Variants in DGKB observed in about 807,000 individuals in gnomAD.
DGKB encodes the protein 90 kDa diacylglycerol kinase.
DGKB carries 67 observed loss-of-function variants against 114.3 expected under a neutral mutation model. That is an observed-to-expected ratio of 0.59 (90% CI 0.48 to 0.72). The LOEUF is 0.72. Ranked by LOEUF, DGKB falls within the 30% of genes least tolerant of loss-of-function variation. The pLI is 0.00. For synonymous variants in DGKB, 398 were observed against 323.1 expected, an observed-to-expected ratio of 1.23 and a Z score of -2.49; for missense variants, 907 against 975.2, an observed-to-expected ratio of 0.93 and a Z score of 0.93.
intron 2 of DGKB, among the ~76,000 whole-genome samples, chr7:14,765,147 AT>A (rs1451149579): frequency 6.6e-6 from 1 of 152,012 alleles, no homozygotes; most frequent in Non-Finnish European, 1.5e-5. Context: ...AATCCTAAAA[AT>A]AATATTCTAA....
chr7:14,939,731 A>G lies in DGKB; in HGVS notation c.-188+34965T>C, dbSNP rs551019262. Among the ~76,000 whole-genome samples the G allele has an allele frequency of 2.9e-5, 4 of 138,120 alleles. No individual in the cohort carries two copies. The East Asian group carries it at 8.7e-4, about 30-fold the overall frequency. 90.6% of individuals were successfully genotyped at this position (138,120 alleles called of 152,430 possible). ...CGGCTTCATGCCATTCTCCTGCCTC[A>G]GACTCCTGAGTAACTGGGATTACAG... is the stretch of plus-strand genomic sequence containing the variant. On this transcript the variant is annotated intron_variant, in intron 1 of 4. Coordinates refer to the DGKB transcript ENST00000437998.
intron 25 of DGKB, among the ~76,000 whole-genome samples, chr7:14,158,490 G>T (rs2128221548): frequency 6.6e-6 from 1 of 152,314 alleles, no homozygotes; most frequent in South Asian, 2.1e-4. Context: ...TGTCTTATTA[G>T]AAGAAGAAAC....
At chr7:14,665,097 A>G (rs1817796783) in intron 13 of DGKB, among the ~76,000 whole-genome samples, 1 of 152,046 alleles carries the variant, frequency 6.6e-6, no homozygotes, top group Non-Finnish European at 1.5e-5. Context: ...TCAGCATATT[A>G]ACACTATGTC....
intron 20 of DGKB, among the ~76,000 whole-genome samples, chr7:14,540,809 A>C (rs931626240): frequency 6.6e-6 from 1 of 152,198 alleles, no homozygotes; most frequent in African/African-American, 2.4e-5. Flanking sequence ...AATGATATGA[A>C]TATATTGGCT....
chr7:14,469,132 C>G (rs537274129), intron 21 of DGKB, among the ~76,000 whole-genome samples: 1 of 151,992 alleles, frequency 6.6e-6, no homozygotes, highest in Non-Finnish European at 1.5e-5. Context: ...AATATCTTCC[C>G]TCTGTAAAGT....
intron 1 of DGKB, among the ~76,000 whole-genome samples, chr7:14,853,390 C>A (rs11971538): frequency 0.014 from 2,176 of 151,792 alleles, 59 homozygotes; most frequent in African/African-American, 0.049. Context: ...TTTACAATAT[C>A]ATTTTCTCAC....
intron 15 of DGKB, among the ~76,000 whole-genome samples, chr7:14,614,529 G>T (rs1434413444): frequency 6.6e-6 from 1 of 151,942 alleles, no homozygotes; most frequent in African/African-American, 2.4e-5. Flanking sequence ...CTAGAAAGTA[G>T]TCTTAAATGT....
chr7:14,762,429 AT>A (rs564814067), intron 2 of DGKB, among the ~76,000 whole-genome samples: 168 of 152,278 alleles, frequency 1.1e-3, no homozygotes, highest in Non-Finnish European at 1.5e-3. Context: ...TCAACGTTAA[AT>A]TTTTATTTAC....
intron 16 of DGKB, among the ~76,000 whole-genome samples, chr7:14,609,793 T>C (rs1019954507): frequency 2.0e-5 from 3 of 151,840 alleles, no homozygotes; most frequent in Non-Finnish European, 4.4e-5. Flanking sequence ...CTAATAATCA[T>C]GGAAATGCAA....
chr7:14,727,837 C>A (rs991167411), intron 5 of DGKB, among the ~76,000 whole-genome samples: 12 of 152,106 alleles, frequency 7.9e-5, no homozygotes, highest in African/African-American at 2.9e-4. Context: ...TATTTAATAT[C>A]CTCAAGACAG....
At chr7:14,640,334 A>T (rs1345279492) in intron 13 of DGKB, among the ~76,000 whole-genome samples, 2 of 152,194 alleles carry the variant, frequency 1.3e-5, no homozygotes, top group African/African-American at 4.8e-5. Context: ...GAATATACGC[A>T]TTGGGTGGCT....
chr7:14,414,046 A>G (rs1164035357), intron 21 of DGKB, among the ~76,000 whole-genome samples: 2 of 152,164 alleles, frequency 1.3e-5, no homozygotes, highest in African/African-American at 4.8e-5. Context: ...TAAGTTTACA[A>G]GTTGTGATAT....
intron 23 of DGKB, among the ~76,000 whole-genome samples, chr7:14,275,533 A>G (rs991793135): frequency 4.6e-5 from 7 of 152,338 alleles, no homozygotes; most frequent in Admixed American, 3.9e-4. Flanking sequence ...CTTAATTGCA[A>G]CATGTGGGAA....
intron 21 of DGKB, among the ~76,000 whole-genome samples, chr7:14,471,668 A>G (rs1028300369): frequency 1.3e-5 from 2 of 151,904 alleles, no homozygotes; most frequent in Non-Finnish European, 2.9e-5. Flanking sequence ...AAAGGTATTA[A>G]TACCTCAAAT....
At chr7:14,152,229 T>C (rs1458724746) in intron 25 of DGKB, among the ~76,000 whole-genome samples, 3 of 152,108 alleles carry the variant, frequency 2.0e-5, no homozygotes, top group Non-Finnish European at 4.4e-5. Flanking sequence ...CAAATGGCCT[T>C]TGAGTGCCTC....
At chr7:14,175,999 T>A (rs1781679535) in intron 25 of DGKB, 1 of 152,026 alleles carries the variant, frequency 6.6e-6, no homozygotes, top group Admixed American at 6.6e-5. Flanking sequence ...TTTAATTTTA[T>A]ACTAAGCTTT....
chr7:14,177,957 A>T, intron 24 of DGKB, 74 bp downstream of exon 24: 2 of 1,407,682 alleles, frequency 1.4e-6, no homozygotes, highest in South Asian at 3.0e-5. Flanking sequence ...TTACTATCAG[A>T]GTTCTGCATA....
intron 23 of DGKB, among the ~76,000 whole-genome samples, chr7:14,277,194 A>G (rs1002173729): frequency 6.6e-6 from 1 of 151,496 alleles, no homozygotes; most frequent in Non-Finnish European, 1.5e-5. Context: ...TTTTTGAGAC[A>G]GAGTCTCACT....
At chr7:14,354,602 G>A (rs1018092073) in intron 21 of DGKB, among the ~76,000 whole-genome samples, 1 of 152,108 alleles carries the variant, frequency 6.6e-6, no homozygotes, top group African/African-American at 2.4e-5. Context: ...CTATAAAGAA[G>A]ATACACAAGA....
Sources: allele counts gnomAD v4.1 joint callset (sites outside exome capture counted in the v4.1 genomes callset), GRCh38; gene constraint gnomAD v4.1.1; transcripts MANE v1.5; gene names NCBI Gene and HGNC (gene_info 2026-07-23, HGNC 2026-07-21).